WDR72: variants seen among roughly 807,000 people sequenced by gnomAD.
WDR72 encodes the protein WD repeat domain 72, also known as WD repeat-containing protein 72.
WDR72 carries 120 observed loss-of-function variants against 124.2 expected under a neutral mutation model. That is an observed-to-expected ratio of 0.97 (90% confidence interval 0.83 to 1.12). WDR72 has a LOEUF of 1.12. WDR72 is among the 50% of genes most tolerant of loss of function. The pLI, the probability that WDR72 is intolerant of heterozygous loss-of-function variation, is 0.00. For missense variants in WDR72, 1,387 were observed against 1,278.8 expected (o/e 1.08, Z -1.29); for synonymous variants, 452 against 441.7 (o/e 1.02, Z -0.29).
Position 53,565,418 on chromosome 15 carries a change from A to G in WDR72, c.3148+31661T>C, listed in dbSNP as rs143726367. Among the ~76,000 whole-genome samples the G allele has an allele frequency of 2.1e-4, 32 of 152,008 alleles. 1 individual carries two copies. In the East Asian group the frequency reaches 6.0e-3, roughly 29 times the overall value. ...CCACCCATTTCTTTTTTGGAAGGCAAACACCATTAACAGCTTCTTGCGTGT... is the reference window on the plus strand; with the variant it reads ...CCACCCATTTCTTTTTTGGAAGGCAGACACCATTAACAGCTTCTTGCGTGT... On this transcript the variant is annotated intron_variant, in intron 18 of 19. Coordinates refer to ENST00000360509, the MANE Select transcript of WDR72 (RefSeq NM_182758.4).
chr15:53,628,950 C>A (rs1267295190), intron 14 of WDR72, among the ~76,000 whole-genome samples: 5 of 152,098 alleles, frequency 3.3e-5, no homozygotes, highest in Middle Eastern at 3.2e-3. Context: ...AGTCTATAAG[C>A]AGATAATAAG....
At chr15:53,528,486 A>C (rs749305491) in intron 18 of WDR72, among the ~76,000 whole-genome samples, 2 of 152,088 alleles carry the variant, frequency 1.3e-5, no homozygotes, top group African/African-American at 2.4e-5. Context: ...GTGTTTTGCC[A>C]TCTTCCTGCA....
In WDR72 at chr15:53,636,278, C is replaced by A. The variant is rs1332876003; in HGVS notation, c.1963-20035G>T. Reference sequence around the variant, plus strand: ...GCTGAAAATGTCTGAATATCCTAACCTAAGATTTGAGGTTTCCTTTGTCAA... The same window carrying A: ...GCTGAAAATGTCTGAATATCCTAACATAAGATTTGAGGTTTCCTTTGTCAA... On this transcript the variant is annotated intron_variant, in intron 14 of 19. Transcript: ENST00000360509. Among the ~76,000 whole-genome samples the A allele has an allele frequency of 3.3e-5, 5 of 152,130 alleles. No individual in the cohort carries two copies. The East Asian group carries it at 7.7e-4, about 23-fold the overall frequency.
chr15:53,635,688 G>A (rs971492758), intron 14 of WDR72, among the ~76,000 whole-genome samples: 1 of 151,972 alleles, frequency 6.6e-6, no homozygotes, highest in African/African-American at 2.4e-5. Context: ...GTGGACTACT[G>A]GGGGGGATGG....
chr15:53,721,849 G>T (rs1448232905), intron 3 of WDR72, among the ~76,000 whole-genome samples: 1 of 151,972 alleles, frequency 6.6e-6, no homozygotes, highest in Non-Finnish European at 1.5e-5. Context: ...CAGGAGCCTA[G>T]TTCATAGTAT....
At chr15:53,705,484 A>T (rs114655256) in intron 10 of WDR72, among the ~76,000 whole-genome samples, 4,204 of 152,056 alleles carry the variant, frequency 0.028, 189 homozygotes, top group African/African-American at 0.096. Flanking sequence ...TTTTTTTGAG[A>T]CCAAGTCTCA....
At chr15:53,743,802 C>T (rs147556610) in intron 1 of WDR72, among the ~76,000 whole-genome samples, 3,933 of 151,972 alleles carry the variant, frequency 0.026, 70 homozygotes, top group Non-Finnish European at 0.033. Flanking sequence ...GGTGAAACCC[C>T]GTCTCTACTA....
In WDR72 at chr15:53,754,485, T is replaced by C. The variant is rs151242409; in HGVS notation, c.-13+5148A>G. Among the ~76,000 whole-genome samples the C allele has an allele frequency of 9.9e-5, 15 of 152,092 alleles. No individual in the cohort carries two copies. The East Asian group carries it at 2.9e-3, about 30-fold the overall frequency. ...GCTTATTCTAAGAAAAAAAAATCCG[T>C]GGCAAAGGGGATCCCTCTTCTCTGC... On this transcript the variant is annotated intron_variant, in intron 1 of 19. Coordinates refer to ENST00000360509, the MANE Select transcript of WDR72 (RefSeq NM_182758.4).
intron 1 of WDR72, among the ~76,000 whole-genome samples, chr15:53,753,855 C>A (rs1466759350): frequency 6.6e-6 from 1 of 152,106 alleles, no homozygotes; most frequent in East Asian, 1.9e-4. Flanking sequence ...ACACATCTAC[C>A]ATTACTGTTA....
chr15:53,651,575 G>A lies in WDR72; in HGVS notation c.1962+13997C>T, dbSNP rs567339433. Among the ~76,000 whole-genome samples, 112 of 152,272 alleles carry A rather than the reference G, an allele frequency of 7.4e-4. 1 individual carries two copies. Among genetic ancestry groups the A allele is most frequent in the Middle Eastern group, 6.8e-3 (2 of 294 alleles). On this transcript the variant is annotated intron_variant, in intron 14 of 19. Transcript: ENST00000360509. ...GACACAGTAATTCTTTGTTTTCAAG[G>A]AGCTTTAGGCCTAACTGAGAAAATA...
intron 18 of WDR72, among the ~76,000 whole-genome samples, chr15:53,566,582 G>A (rs1894303312): frequency 6.6e-6 from 1 of 151,856 alleles, no homozygotes; most frequent in Non-Finnish European, 1.5e-5. Context: ...CCAGTGTACA[G>A]ACACTACGCT....
intron 13 of WDR72, among the ~76,000 whole-genome samples, chr15:53,677,629 T>G (rs689621): frequency 0.095 from 14,473 of 152,118 alleles, 1,840 homozygotes; most frequent in African/African-American, 0.29. Flanking sequence ...ACTCTCTTTT[T>G]CCTGCTGCCA....
chr15:53,762,140 C>T (rs969224416), upstream of WDR72, among the ~76,000 whole-genome samples: 3 of 151,808 alleles, frequency 2.0e-5, no homozygotes, highest in African/African-American at 7.3e-5. Flanking sequence ...TCCTTTTTTT[C>T]ACTGATATCT....
chr15:53,533,465 A>G (rs1190077759), intron 18 of WDR72, among the ~76,000 whole-genome samples: 1 of 151,986 alleles, frequency 6.6e-6, no homozygotes, highest in Non-Finnish European at 1.5e-5. Flanking sequence ...CCCTCCAGCC[A>G]TTCTTTAAAT....
chr15:53,616,082 A>C lies in WDR72; in HGVS notation c.2124T>G (p.Tyr708Ter), dbSNP rs781048724. 21 of 1,607,136 alleles carry C rather than the reference A, an allele frequency of 1.3e-5. No individual in the cohort carries two copies. Among genetic ancestry groups the C allele is most frequent in the Non-Finnish European group, 3.4e-6 (4 of 1,175,896 alleles). The change falls in exon 15 of 20, where the codon TAT (tyrosine) becomes TAG (stop). Residue 708 changes from tyrosine (Y) to a stop codon, truncating the protein, a stop_gained. Transcript: ENST00000360509. LOFTEE classifies it high-confidence loss of function. ...LSDVDSSSSF[Y>*]GGEVLRRAKS... ...TGGCTCTTCTCAGGACCTCACCACC[A>C]TAGAATGAACTGGAAGAGTCAACAT... is the stretch of plus-strand genomic sequence containing the variant.
At chr15:53,756,293 A>C (rs922051724) in intron 1 of WDR72, among the ~76,000 whole-genome samples, 5 of 152,120 alleles carry the variant, frequency 3.3e-5, no homozygotes, top group African/African-American at 1.2e-4. Context: ...CTGCAACCCT[A>C]TGAAGAGGTG....
chr15:53,716,001 G>A (rs1051382990), intron 4 of WDR72, among the ~76,000 whole-genome samples: 3 of 151,996 alleles, frequency 2.0e-5, no homozygotes, highest in Non-Finnish European at 2.9e-5. Flanking sequence ...CTCTGTGCAG[G>A]GTTTTATTTC....
intron 1 of WDR72, among the ~76,000 whole-genome samples, chr15:53,734,936 T>C (rs1426420718): frequency 2.6e-5 from 4 of 152,074 alleles, no homozygotes; most frequent in Admixed American, 6.6e-5. Flanking sequence ...AATGATACTA[T>C]TGGGAGGCTT....
At chr15:53,753,273 C>G (rs184760530) in intron 1 of WDR72, among the ~76,000 whole-genome samples, 150 of 152,286 alleles carry the variant, frequency 9.8e-4, no homozygotes, top group Admixed American at 3.5e-3. Flanking sequence ...GGCAGGTACT[C>G]CCATAGGCAG....
Sources: gnomAD v4.1 joint callset for allele counts (sites outside exome capture counted in the v4.1 genomes callset) on GRCh38, gnomAD v4.1.1 for gene constraint, MANE v1.5 for transcripts, NCBI Gene and HGNC (gene_info 2026-07-23, HGNC 2026-07-21) for gene names.